Variants in C11orf21 observed in about 807,000 individuals in gnomAD.
C11orf21 encodes the protein uncharacterized protein C11orf21.
In C11orf21, 19 loss-of-function variants were observed where a neutral mutation model predicts 15.2. The ratio of observed to expected loss-of-function variants is 1.25; its 90% CI spans 0.87 to 1.84. The LOEUF (loss-of-function observed/expected upper bound fraction) is 1.84. C11orf21 is among the 40% of genes most tolerant of loss of function. The probability of loss-of-function intolerance (pLI) is 0.00; values close to 1 mark genes in which losing one functional copy is unlikely to be tolerated. For synonymous variants in C11orf21, 62 were observed against 66.8 expected, an observed-to-expected ratio of 0.93 and a Z score of 0.35; for missense variants, 171 against 174.4, an observed-to-expected ratio of 0.98 and a Z score of 0.11.
At chr11:2,301,709 C>T (rs1479924917) in intron 1 of C11orf21, 47 bp downstream of exon 1, 14 of 1,479,744 alleles carry the variant, frequency 9.5e-6, no homozygotes, top group Non-Finnish European at 1.3e-5. Context: ...GGATTACGCC[C>T]CCAAGGCCCA....
At chr11:2,300,728 C>A in intron 1 of C11orf21, 115 bp from the exon 2 acceptor site, 2 of 1,551,016 alleles carry the variant, frequency 1.3e-6, no homozygotes, top group Non-Finnish European at 1.7e-6. Context: ...CCAGGCCCGC[C>A]TCACCAGCTC....
rs1415330844 is a variant in C11orf21, at chr11:2,301,779, C to T, written c.30G>A (p.Arg10=). ...ACCTCCTCCTCCCCGGGCGCCGTCT[C>T]CTCCACATCCCACACCAGGTCCTGC... The part of the protein sequence containing the change: MGRTWCGMW[R]RRRPGRRSAV... The change falls in exon 1 of 4, where the codon AGG becomes AGA. Residue 10 remains arginine, a synonymous_variant. Coordinates refer to ENST00000381153, the MANE Select transcript of C11orf21 (RefSeq NM_001329958.2). 1.3e-6 allele frequency: 2 copies of T among 1,550,152 alleles called. No homozygotes were observed. Among genetic ancestry groups the T allele is most frequent in the East Asian group, 2.4e-5 (1 of 40,924 alleles).
chr11:2,299,739 G>A (rs1211481598), intron 2 of C11orf21, 32 bp from the exon 3 acceptor site: 1 of 1,547,798 alleles, frequency 6.5e-7, no homozygotes, highest in East Asian at 2.5e-5. Context: ...GAGTGAGCGG[G>A]CGCACCTGGG....
At position 2,299,546 on chromosome 11, in the gene C11orf21, G is replaced by C; in HGVS notation, c.309C>G (p.Ile103Met). Residue 103 changes from isoleucine (I) to methionine (M), a missense_variant, in exon 3 of 4, where the codon ATC becomes ATG. Coordinates refer to ENST00000381153, the MANE Select transcript of C11orf21 (RefSeq NM_001329958.2). ...LSLPGQLPLA[I>M]RLGWDLDLEA... Reference sequence around the variant, plus strand: ...CTAAGTCCAAGTCCCATCCCAGCCGGATAGCCAGGGGCAACTGCCCAGGTA... The same window carrying C: ...CTAAGTCCAAGTCCCATCCCAGCCGCATAGCCAGGGGCAACTGCCCAGGTA... 6.4e-7 allele frequency: 1 copy of C among 1,550,716 alleles called. No homozygotes were observed. The highest frequency in any genetic ancestry group is 1.4e-5 in the African/African-American group (1 of 73,176).
chr11:2,300,691 A>G (rs1251261624), intron 1 of C11orf21, 78 bp from the exon 2 acceptor site: 2 of 1,550,188 alleles, frequency 1.3e-6, no homozygotes, highest in Admixed American at 2.0e-5. Flanking sequence ...GACCTGATGA[A>G]GAGGTGTCCC....
At chr11:2,302,267 GAGGGGTGGC>G (rs1847796152), upstream of C11orf21, 1 of 1,347,694 alleles carries the variant, frequency 7.4e-7, no homozygotes, top group Non-Finnish European at 9.6e-7. Flanking sequence ...GAGCAGGGGT[GAGGGGTGGC>G]AGGGCCTCAG....
In C11orf21 at chr11:2,297,159, G is replaced by C. The variant is rs1159129396; in HGVS notation, c.*791C>G. On this transcript the variant is annotated 3_prime_UTR_variant, in exon 4 of 4. Transcript: ENST00000381153. ...ACAGCTCCCGAGACCCCTCACTGGGGACACAGGGGGGCCCTGCAGCCAGGG... is the reference window on the plus strand; with the variant it reads ...ACAGCTCCCGAGACCCCTCACTGGGCACACAGGGGGGCCCTGCAGCCAGGG... 1.3e-5 allele frequency: 2 copies of C among 152,380 alleles called. No individual in the cohort carries two copies. Among genetic ancestry groups the C allele is most frequent in the Non-Finnish European group, 2.9e-5 (2 of 68,182 alleles). The allele number at this position is 152,380 out of a possible 1,614,324, so 9.4% of individuals were successfully genotyped here.
Position 2,296,827 on chromosome 11 carries a change from CTG to C in C11orf21, c.*1121_*1122del, listed in dbSNP as rs1847536159. On this transcript the variant is annotated 3_prime_UTR_variant, in exon 4 of 4. Coordinates refer to ENST00000381153, the MANE Select transcript of C11orf21 (RefSeq NM_001329958.2). This position sits in a 1 kb window ranked among gnomAD's most constrained non-coding sequence, Gnocchi z 5.6. ...GGGCTGTGCCCTGCCTCCTTAAAGACTGTGAGCGAGCTCCCAACTGGGACACC... is the reference window on the plus strand; with the variant it reads ...GGGCTGTGCCCTGCCTCCTTAAAGACTGAGCGAGCTCCCAACTGGGACACC... 1 of 152,332 alleles carries C rather than the reference CTG, an allele frequency of 6.6e-6. No individual in the cohort carries two copies. The highest frequency in any genetic ancestry group is 2.4e-5 in the African/African-American group (1 of 41,470). The allele number at this position is 152,332 out of a possible 1,614,324, so 9.4% of individuals were successfully genotyped here.
At chr11:2,301,969 C>G (rs1328770860), upstream of C11orf21, 61 of 1,490,194 alleles carry the variant, frequency 4.1e-5, no homozygotes, top group Non-Finnish European at 5.3e-5. Flanking sequence ...TGCCCCTCCC[C>G]TTCCTGCCTG....
chr11:2,302,367 G>A (rs1485516806), upstream of C11orf21: 13 of 852,904 alleles, frequency 1.5e-5, no homozygotes, highest in Non-Finnish European at 2.0e-5. Context: ...TCCTGCCCTT[G>A]CAGACAGCCG....
chr11:2,298,289 G>A (rs1394943643), intron 3 of C11orf21, among the ~76,000 whole-genome samples: 1 of 152,222 alleles, frequency 6.6e-6, no homozygotes, highest in Non-Finnish European at 1.5e-5. Context: ...GAGCATCGGG[G>A]TCTGGCCTGA....
At chr11:2,298,340 A>G (rs1043311767) in intron 3 of C11orf21, among the ~76,000 whole-genome samples, 2 of 152,182 alleles carry the variant, frequency 1.3e-5, no homozygotes, top group Non-Finnish European at 2.9e-5. Flanking sequence ...GAGAGAGGCA[A>G]CACTGCACCT....
chr11:2,299,714 G>C lies in C11orf21; in HGVS notation c.148-7C>G. The C allele has an allele frequency of 6.4e-7, 1 of 1,550,822 alleles. No homozygotes were observed. The highest frequency in any genetic ancestry group is 8.7e-7 in the Non-Finnish European group (1 of 1,146,848). On this transcript the variant is annotated splice_region_variant and splice_polypyrimidine_tract_variant and intron_variant, in intron 2 of 3. Transcript: ENST00000381153. The stretch of plus-strand genomic sequence containing the variant: ...TCATTGAGCCAGGGGCCTCCTGGTG[G>C]GTAAGGACATTGTAGAGTGAGCGGG...
At position 2,299,488 on chromosome 11, in the gene C11orf21, G is replaced by A. The variant is rs546102923; in HGVS notation, c.367C>T (p.Arg123Trp). The A allele has an allele frequency of 8.7e-5, 135 of 1,550,362 alleles. No homozygotes were observed. In the Middle Eastern group the frequency reaches 1.3e-3, roughly 15 times the overall value. ...AGPSSGKLCPRARRWQPLPS is the reference protein window; with the variant it reads ...AGPSSGKLCPWARRWQPLPS Reference sequence around the variant, plus strand: ...GGTAGAGGCTGCCACCTCCTGGCCCGAGGACACAGCTTTCCAGAGGAGGGG... The same window carrying A: ...GGTAGAGGCTGCCACCTCCTGGCCCAAGGACACAGCTTTCCAGAGGAGGGG... Residue 123 changes from arginine (R) to tryptophan (W), a missense_variant, in exon 3 of 4, where the codon CGG becomes TGG. By Grantham distance (101) the Arg-to-Trp change is moderately radical. Transcript: ENST00000381153.
upstream of C11orf21, chr11:2,302,865 A>T (rs756540607): frequency 3.2e-5 from 51 of 1,613,430 alleles, no homozygotes; most frequent in Non-Finnish European, 4.2e-5. Flanking sequence ...CTCTGTGGCC[A>T]CCATGGTGAC....
chr11:2,298,891 T>TGG (rs563366399), intron 3 of C11orf21, among the ~76,000 whole-genome samples: 15 of 151,684 alleles, frequency 9.9e-5, no homozygotes, highest in South Asian at 4.2e-4. Context: ...CTAGGCTCCT[T>TGG]GGGGGGGGAA....
In C11orf21 at chr11:2,297,394, G is replaced by A. The variant is rs74048205; in HGVS notation, c.*556C>T. 0.17 allele frequency: 25,857 copies of A among 152,312 alleles called. 2,432 individuals are homozygous for A. Among genetic ancestry groups the A allele is most frequent in the African/African-American group, 0.25 (10,508 of 41,528 alleles). 9.4% of individuals were successfully genotyped at this position (152,312 alleles called of 1,614,324 possible). A position where few individuals can be genotyped will look rare whatever the true frequency, so the allele number is the denominator to read the frequency against. ...GTCTCATCCAGGCGGGTGAACACTC[G>A]TGTGTTGGGAGGCTGGTGAAGCCTG... On this transcript the variant is annotated 3_prime_UTR_variant, in exon 4 of 4. Transcript: ENST00000381153.
In C11orf21 at chr11:2,301,744, C is replaced by A. The variant is rs372740182; in HGVS notation, c.53+12G>T. 13 of 1,544,950 alleles carry A rather than the reference C, an allele frequency of 8.4e-6. No individual in the cohort carries two copies. The African/African-American group carries it at 1.6e-4, about 20-fold the overall frequency. ...AGTCCACACTTGCTCACTCCCAGGA[C>A]GGGGAGCTCACCTCCTCCTCCCCGG... is the stretch of plus-strand genomic sequence containing the variant. On this transcript the variant is annotated intron_variant, in intron 1 of 3. Coordinates refer to ENST00000381153, the MANE Select transcript of C11orf21 (RefSeq NM_001329958.2).
At chr11:2,302,698 A>G (rs747957792), upstream of C11orf21, 1 of 678,406 alleles carries the variant, frequency 1.5e-6, no homozygotes, top group Non-Finnish European at 2.5e-6. Context: ...AGACCACTCC[A>G]CGGAAACACC....
Sources: gnomAD v4.1 joint callset for allele counts (sites outside exome capture counted in the v4.1 genomes callset) on GRCh38, gnomAD v4.1.1 for gene constraint, Gnocchi (gnomAD v3.1) non-coding constraint, MANE v1.5 for transcripts, NCBI Gene and HGNC (gene_info 2026-07-23, HGNC 2026-07-21) for gene names.